Variants in AOPEP observed in about 807,000 individuals in gnomAD.
AOPEP encodes the protein aminopeptidase O (putative).
AOPEP carries 77 observed loss-of-function variants against 98.1 expected under a neutral mutation model. The observed-to-expected ratio is 0.78, with a 90% CI of 0.65 to 0.95. The LOEUF (loss-of-function observed/expected upper bound fraction) is 0.95. Among genes scored for constraint, AOPEP ranks in the 40% least tolerant of loss-of-function variants. The pLI, the probability that AOPEP is intolerant of heterozygous loss-of-function variation, is 0.00. For synonymous variants in AOPEP, 346 were observed against 365.3 expected, an observed-to-expected ratio of 0.95 and a Z score of 0.60; for missense variants, 1,024 against 1,024.7, an observed-to-expected ratio of 1.00 and a Z score of 0.01.
chr9:94,748,677 C>T (rs1835049090), intron 1 of AOPEP, among the ~76,000 whole-genome samples: 2 of 152,196 alleles, frequency 1.3e-5, no homozygotes, highest in African/African-American at 4.8e-5. Flanking sequence ...CCCCTGGACA[C>T]CTCCATTCTG....
chr9:94,972,352 A>G lies in AOPEP; in HGVS notation c.1916+4551A>G, dbSNP rs566408291. ...GAAGGCAGAAAGATGCTGTCAGGTA[A>G]AACTAAAAGGGCTCAGAAGAAAACC... is the stretch of plus-strand genomic sequence containing the variant. On this transcript the variant is annotated intron_variant, in intron 10 of 16. Coordinates refer to ENST00000375315, the MANE Select transcript of AOPEP (RefSeq NM_001193329.3). The surrounding 1 kb of genome is among the most constrained non-coding windows in gnomAD (Gnocchi z 4.2). Among the ~76,000 whole-genome samples, 1 of 152,238 alleles carries G rather than the reference A, an allele frequency of 6.6e-6. No individual in the cohort carries two copies. Among genetic ancestry groups the G allele is most frequent in the East Asian group, 1.9e-4 (1 of 5,164 alleles).
intron 5 of AOPEP, among the ~76,000 whole-genome samples, chr9:94,809,378 G>A (rs191489245): frequency 5.3e-5 from 8 of 152,294 alleles, no homozygotes; most frequent in Admixed American, 3.3e-4. Context: ...CTGTTGTGTC[G>A]AGGGAGCCCT....
the AOPEP span, among the ~76,000 whole-genome samples, chr9:95,143,807 C>G: frequency 1.5e-4 from 23 of 152,170 alleles, no homozygotes; most frequent in African/African-American, 5.6e-4. Context: ...GGTTTTATGC[C>G]GTCTTTAGCC....
At chr9:95,005,806 CATT>C (rs763463156) in intron 13 of AOPEP, among the ~76,000 whole-genome samples, 190 bp downstream of exon 13, 7 of 152,180 alleles carry the variant, frequency 4.6e-5, no homozygotes, top group Non-Finnish European at 8.8e-5. Context: ...TATATAGTCT[CATT>C]AGGAGAGAGT....
At chr9:95,056,034 A>C (rs2066787464) in intron 13 of AOPEP, among the ~76,000 whole-genome samples, 1 of 152,226 alleles carries the variant, frequency 6.6e-6, no homozygotes, top group Non-Finnish European at 1.5e-5. Context: ...TGTTTCAGAC[A>C]GACTGGAGAG....
intron 13 of AOPEP, among the ~76,000 whole-genome samples, chr9:95,020,711 AGT>A (rs2063375462): frequency 6.6e-6 from 1 of 151,876 alleles, no homozygotes; most frequent in Non-Finnish European, 1.5e-5. Flanking sequence ...TGAGCTCAGG[AGT>A]TCAAGACCAA....
intron 14 of AOPEP, among the ~76,000 whole-genome samples, chr9:95,062,208 A>T (rs893825529): frequency 5.3e-5 from 8 of 152,208 alleles, no homozygotes; most frequent in Non-Finnish European, 1.2e-4. Flanking sequence ...GCCAGTGTTG[A>T]ATTAGGTGGC....
chr9:95,005,508 C>G, intron 12 of AOPEP, 34 bp from the exon 13 acceptor site: 1 of 1,595,946 alleles, frequency 6.3e-7, no homozygotes, highest in Non-Finnish European at 8.6e-7. Context: ...GACCCTGTCG[C>G]CTTCTTTGAA....
chr9:94,939,249 GAA>G (rs34773746), intron 7 of AOPEP, among the ~76,000 whole-genome samples: 63 of 123,428 alleles, frequency 5.1e-4, no homozygotes, highest in South Asian at 1.6e-3. Context: ...CTTCGTGTCA[GAA>G]AAAAAAAAAA....
chr9:95,126,918 G>T, the AOPEP span: 4 of 323,190 alleles, frequency 1.2e-5, no homozygotes, highest in African/African-American at 8.6e-5. Flanking sequence ...GAGCCTGCCT[G>T]TACTGCCAGT....
intron 5 of AOPEP, among the ~76,000 whole-genome samples, chr9:94,861,599 G>GGCT: frequency 6.6e-6 from 1 of 152,298 alleles, no homozygotes. Flanking sequence ...TGCTCCACCA[G>GGCT]GCTGCCAGGG....
At chr9:95,005,002 C>T (rs888842375) in intron 11 of AOPEP, 156 bp from the exon 12 acceptor site, 17 of 169,792 alleles carry the variant, frequency 1.0e-4, no homozygotes, top group Non-Finnish European at 1.5e-4. Context: ...GTGATGCGGA[C>T]CCCGGGCGGG....
intron 7 of AOPEP, among the ~76,000 whole-genome samples, chr9:94,940,933 C>T (rs540170295): frequency 1.3e-5 from 2 of 152,220 alleles, no homozygotes; most frequent in East Asian, 3.9e-4. Context: ...CCCTCCCTTC[C>T]TGACAAGTAT....
At chr9:95,000,666 C>G (rs963881524) in intron 11 of AOPEP, among the ~76,000 whole-genome samples, 14 of 152,118 alleles carry the variant, frequency 9.2e-5, no homozygotes, top group Non-Finnish European at 4.4e-5. Context: ...CAAGATTGCA[C>G]CATTGCACTC....
intron 2 of AOPEP, among the ~76,000 whole-genome samples, chr9:94,769,214 C>G (rs1840316000): frequency 1.3e-5 from 2 of 152,176 alleles, no homozygotes. Flanking sequence ...ACCAGTAGAG[C>G]TTTATTCAGA....
intron 11 of AOPEP, among the ~76,000 whole-genome samples, chr9:94,991,872 A>G (rs1190647659): frequency 6.6e-6 from 1 of 152,198 alleles, no homozygotes; most frequent in Non-Finnish European, 1.5e-5. Flanking sequence ...TTTTGGTGTG[A>G]GTGAATGTGA....
intron 13 of AOPEP, among the ~76,000 whole-genome samples, chr9:95,009,730 A>C (rs1232606912): frequency 6.6e-6 from 1 of 152,204 alleles, no homozygotes; most frequent in Non-Finnish European, 1.5e-5. Flanking sequence ...TTACCTTCAT[A>C]ATTCTTTTCT....
At chr9:94,939,249 G>GAA (rs34773746) in intron 7 of AOPEP, among the ~76,000 whole-genome samples, 11 of 123,460 alleles carry the variant, frequency 8.9e-5, no homozygotes, top group Admixed American at 2.5e-4. Context: ...CTTCGTGTCA[G>GAA]AAAAAAAAAA....
At chr9:95,057,208 C>G (rs2066901173) in intron 13 of AOPEP, among the ~76,000 whole-genome samples, 1 of 152,204 alleles carries the variant, frequency 6.6e-6, no homozygotes, top group African/African-American at 2.4e-5. Flanking sequence ...GTGGTACGAC[C>G]AAAGCCTTAT....
Sources: allele counts gnomAD v4.1 joint callset (sites outside exome capture counted in the v4.1 genomes callset), GRCh38; gene constraint gnomAD v4.1.1; non-coding constraint Gnocchi (gnomAD v3.1); transcripts MANE v1.5; gene names NCBI Gene and HGNC (gene_info 2026-07-23, HGNC 2026-07-21).